CFAP46: variants seen among roughly 807,000 people sequenced by gnomAD.
CFAP46 encodes cilia- and flagella-associated protein 46.
CFAP46 carries 245 observed loss-of-function variants against 325.7 expected under a neutral mutation model. The observed-to-expected ratio is 0.75, with a 90% CI of 0.68 to 0.84. The LOEUF (loss-of-function observed/expected upper bound fraction) is 0.84. Among genes scored for constraint, CFAP46 ranks in the 40% least tolerant of loss-of-function variants. The pLI is 0.00. For synonymous variants in CFAP46, 1,523 were observed against 1,495.9 expected (o/e 1.02, Z -0.42); for missense variants, 3,346 against 3,543.0 (o/e 0.94, Z 1.41).
chr10:132,842,832 A>C (rs1215980443), intron 44 of CFAP46, among the ~76,000 whole-genome samples: 1 of 152,194 alleles, frequency 6.6e-6, no homozygotes, highest in East Asian at 1.9e-4. Flanking sequence ...GTGTTAGCCC[A>C]GGTCTTTTCC....
rs368080085 is a variant in CFAP46 at position 132,942,066 on chromosome 10, A to G, written c.88T>C (p.Ser30Pro). ...AACTCCGATTTCCCTAGGTTGGCCG[A>G]TTTGATCAACTCGTAGGCCTTCTTC... is the stretch of plus-strand genomic sequence containing the variant. ...SLKKAYELIK[S>P]ANLGKSEFDP... is the part of the protein sequence containing the mutation. Residue 30 changes from serine to proline, a missense_variant, in exon 2 of 58, where the codon TCG (serine) becomes CCG (proline). Transcript: ENST00000368586. 173 of 1,551,594 alleles carry G rather than the reference A, an allele frequency of 1.1e-4. No individual in the cohort carries two copies. Among genetic ancestry groups the G allele is most frequent in the Non-Finnish European group, 1.4e-4 (163 of 1,146,988 alleles).
chr10:132,829,467 T>A (rs1564769805), intron 50 of CFAP46, among the ~76,000 whole-genome samples: 1 of 152,160 alleles, frequency 6.6e-6, no homozygotes, highest in Non-Finnish European at 1.5e-5. Flanking sequence ...TTAGACTACA[T>A]TTTCTACACA....
chr10:132,850,500 A>C (rs1170840996), intron 40 of CFAP46, 68 bp from the exon 41 acceptor site: 4 of 1,430,596 alleles, frequency 2.8e-6, no homozygotes, highest in Non-Finnish European at 3.7e-6. Flanking sequence ...CAGGGGACCC[A>C]GTGAGCCCGC....
intron 24 of CFAP46, 138 bp downstream of exon 24, chr10:132,898,821 C>T (rs1849352702): frequency 1.7e-6 from 2 of 1,203,564 alleles, no homozygotes; most frequent in Admixed American, 4.0e-5. Flanking sequence ...TTAACCCCCT[C>T]CCCTCCTCGG....
chr10:132,850,042 C>T (rs1848509864), intron 41 of CFAP46, among the ~76,000 whole-genome samples: 1 of 152,230 alleles, frequency 6.6e-6, no homozygotes, highest in South Asian at 2.1e-4. Context: ...ACTCCACAGA[C>T]ACTGTGTTTC....
intron 28 of CFAP46, 140 bp from the exon 29 acceptor site, chr10:132,879,771 G>C: frequency 1.2e-6 from 1 of 842,472 alleles, no homozygotes; most frequent in Non-Finnish European, 1.7e-6. Flanking sequence ...GCTGAGGGCC[G>C]GCAGCCAGGG....
intron 50 of CFAP46, among the ~76,000 whole-genome samples, chr10:132,819,552 G>T (rs139436890): frequency 6.6e-6 from 1 of 152,318 alleles, no homozygotes. Flanking sequence ...CACTGGGCCC[G>T]ATAGAAGAGA....
intron 49 of CFAP46, among the ~76,000 whole-genome samples, 186 bp downstream of exon 49, chr10:132,833,855 G>A (rs371855813): frequency 8.9e-4 from 136 of 152,332 alleles, no homozygotes; most frequent in African/African-American, 3.1e-3. Context: ...CTGGTCCAGG[G>A]CTGTGCAGAG....
rs759149269 is a variant in CFAP46, at chr10:132,937,571, C to T, written c.641G>A (p.Arg214Gln). The change falls in exon 6 of 58, where the codon CGG becomes CAG. Residue 214 changes from arginine to glutamine, a missense_variant. Coordinates refer to ENST00000368586, the MANE Select transcript of CFAP46 (RefSeq NM_001200049.3). ...FIKSHVPQKY[R>Q]QIFSVMVRHE... ...ATTTACCATAACAGAGAATATCTGC[C>T]GGTATTTCTGTGGCACGTGAGACTT... 2.0e-5 allele frequency: 32 copies of T among 1,613,336 alleles called. No individual in the cohort carries two copies. The highest frequency in any genetic ancestry group is 4.4e-5 in the South Asian group (4 of 91,054).
Position 132,846,100 on chromosome 10 carries a change from C to T in CFAP46, c.6395G>A (p.Ser2132Asn), listed in dbSNP as rs1848430717. ...QLRCQDRTTT[S>N]LGARVEQRLA... ...CCTCTGCTCCACACGGGCGCCCAGGCTGGTGGTGGTCCTGTCTTGGCACCG... is the reference window on the plus strand; with the variant it reads ...CCTCTGCTCCACACGGGCGCCCAGGTTGGTGGTGGTCCTGTCTTGGCACCG... The change falls in exon 44 of 58, where the codon AGC becomes AAC. Residue 2132 changes from serine to asparagine, a missense_variant. Transcript: ENST00000368586. 6.2e-7 allele frequency: 1 copy of T among 1,605,344 alleles called. No individual in the cohort carries two copies. The highest frequency in any genetic ancestry group is 1.7e-5 in the Admixed American group (1 of 59,776).
At chr10:132,937,792 G>T in intron 5 of CFAP46, 117 bp from the exon 6 acceptor site, 1 of 1,392,108 alleles carries the variant, frequency 7.2e-7, no homozygotes, top group East Asian at 2.4e-5. Flanking sequence ...AAGCTACCCT[G>T]GGGTCAGCTT....
At chr10:132,846,784 T>G in intron 43 of CFAP46, 148 bp downstream of exon 43, 2 of 972,172 alleles carry the variant, frequency 2.1e-6, no homozygotes, top group Non-Finnish European at 1.5e-6. Flanking sequence ...CAAGTTTACG[T>G]GGCCGGCAGG....
At chr10:132,940,919 A>C in intron 4 of CFAP46, 77 bp downstream of exon 4, 1 of 1,412,828 alleles carries the variant, frequency 7.1e-7, no homozygotes, top group South Asian at 1.2e-5. Flanking sequence ...GTTCAAATAA[A>C]TACACCCACT....
In CFAP46 at chr10:132,850,281, G is replaced by A. The variant is rs757047332; in HGVS notation, c.5915C>T (p.Pro1972Leu). The change falls in exon 41 of 58, where the codon CCT becomes CTT. Residue 1972 changes from proline to leucine, a missense_variant. By Grantham distance (98) the Pro-to-Leu change is moderately conservative. Coordinates refer to ENST00000368586, the MANE Select transcript of CFAP46 (RefSeq NM_001200049.3). The stretch of plus-strand genomic sequence containing the variant: ...CTCCCAGTAGCAGGTAGGGTGCACA[G>A]GGTCAGCTTGCATGGCCAGCAGGTG... ...ALHLLAMQADPVHPTCYWEAG... is the reference protein window; with the variant it reads ...ALHLLAMQADLVHPTCYWEAG... 2.9e-5 allele frequency: 45 copies of A among 1,550,728 alleles called. No individual in the cohort carries two copies. The highest frequency in any genetic ancestry group is 1.9e-5 in the Non-Finnish European group (22 of 1,147,034).
intron 17 of CFAP46, among the ~76,000 whole-genome samples, chr10:132,916,098 C>T (rs866329135): frequency 6.6e-6 from 1 of 152,204 alleles, no homozygotes; most frequent in African/African-American, 2.4e-5. Flanking sequence ...GTTTTCGAGG[C>T]CAAGGCAGTC....
chr10:132,920,172 C>T lies in CFAP46; in HGVS notation c.1617G>A (p.Gly539=). The T allele has an allele frequency of 6.5e-7, 1 of 1,540,402 alleles. No individual in the cohort carries two copies. The change falls in exon 14 of 58, where the codon GGG becomes GGA. Residue 539 remains glycine (G), a synonymous_variant. Transcript: ENST00000368586. ...GGTAGGTGAACCGGCCCCTGTTCTT[C>T]CCGGTGGAGACTGAGGGCGGAAATG... is the stretch of plus-strand genomic sequence containing the variant. ...DSENEAKVST[G]KNRGRFTYLC...
chr10:132,864,729 G>A, intron 35 of CFAP46, among the ~76,000 whole-genome samples: 7 of 102,818 alleles, frequency 6.8e-5, no homozygotes, highest in African/African-American at 2.2e-4. Flanking sequence ...CCTGCCCTCA[G>A]TGCCTGAGAC....
rs185944709 is a variant in CFAP46 at position 132,891,111 on chromosome 10, G to A, written c.3304+1222C>T. 9.4e-3 allele frequency among the ~76,000 whole-genome samples: 1,432 copies of A among 152,290 alleles called. 13 individuals are homozygous for A. The highest frequency in any genetic ancestry group is 0.043 in the South Asian group (209 of 4,824). ...ACGTTTTTTGTGGAAGTAGAAAAAT[G>A]CGATTTATCTGTGAGCACAGCCTAG... On this transcript the variant is annotated intron_variant, in intron 25 of 57. Transcript: ENST00000368586.
rs1848978848 is a variant in CFAP46, at chr10:132,877,899, T to TTTCTCCTCCTTTCCCTTCTCCTTGTCC, written c.4167_4193dup (p.Asp1390_Lys1398dup). ...GCATCACCTGCTTGGGCTCCTTGACTTTCTCCTCCTTTCCCTTCTCCTTGT... is the reference window on the plus strand; with the variant it reads ...GCATCACCTGCTTGGGCTCCTTGACTTTCTCCTCCTTTCCCTTCTCCTTGTCCTTCTCCTCCTTTCCCTTCTCCTTGT... On this transcript the variant is annotated inframe_insertion, in exon 30 of 58. Coordinates refer to ENST00000368586, the MANE Select transcript of CFAP46 (RefSeq NM_001200049.3). The surrounding 1 kb of genome is among the most constrained non-coding windows in gnomAD (Gnocchi z 5.7). 6.5e-7 allele frequency: 1 copy of TTTCTCCTCCTTTCCCTTCTCCTTGTCC among 1,542,728 alleles called. No homozygotes were observed. Among genetic ancestry groups the TTTCTCCTCCTTTCCCTTCTCCTTGTCC allele is most frequent in the African/African-American group, 1.4e-5 (1 of 72,818 alleles).
Sources: allele counts gnomAD v4.1 joint callset (sites outside exome capture counted in the v4.1 genomes callset), GRCh38; gene constraint gnomAD v4.1.1; non-coding constraint Gnocchi (gnomAD v3.1); transcripts MANE v1.5; gene names NCBI Gene and HGNC (gene_info 2026-07-23, HGNC 2026-07-21).